The following PLA2G7 variants were observed in gnomAD, a reference collection of about 807,000 sequenced individuals.
PLA2G7 encodes the protein platelet-activating factor acetylhydrolase.
Under a neutral mutation model 49.6 loss-of-function variants are expected in PLA2G7, and 63 were observed. That is an observed-to-expected ratio of 1.27 (90% CI 1.04 to 1.57). The LOEUF is 1.57. PLA2G7 is among the 40% of genes most tolerant of loss of function. The pLI, the probability that PLA2G7 is intolerant of heterozygous loss-of-function variation, is 0.00. For missense variants in PLA2G7, 596 were observed against 521.2 expected (o/e 1.14, Z -1.40); for synonymous variants, 193 against 169.9 (o/e 1.14, Z -1.06).
intron 2 of PLA2G7, among the ~76,000 whole-genome samples, chr6:46,722,237 C>T (rs2150706874): frequency 6.6e-6 from 1 of 152,288 alleles, no homozygotes; most frequent in Admixed American, 6.5e-5. Context: ...TCTGGAACTC[C>T]CTAGCACCTA....
intron 2 of PLA2G7, among the ~76,000 whole-genome samples, chr6:46,719,277 T>G (rs1162646512): frequency 1.3e-5 from 2 of 152,176 alleles, no homozygotes; most frequent in Non-Finnish European, 2.9e-5. Flanking sequence ...AAGAAACCAA[T>G]TTACAGCCTC....
chr6:46,734,461 AG>A (rs1765844948), intron 1 of PLA2G7, among the ~76,000 whole-genome samples: 2 of 127,228 alleles, frequency 1.6e-5, no homozygotes, highest in Admixed American at 1.5e-4. Context: ...AGAGAGAGAG[AG>A]AGAGAGAGAG....
intron 8 of PLA2G7, among the ~76,000 whole-genome samples, chr6:46,709,698 A>G (rs1031515132): frequency 2.0e-5 from 3 of 152,192 alleles, no homozygotes; most frequent in African/African-American, 4.8e-5. Flanking sequence ...CTTCAACATC[A>G]GTTCTGACTT....
chr6:46,704,930 T>C (rs527567491), intron 11 of PLA2G7, among the ~76,000 whole-genome samples: 2 of 152,214 alleles, frequency 1.3e-5, no homozygotes, highest in African/African-American at 4.8e-5. Flanking sequence ...CTAGGCTTCA[T>C]ACAAAGAATA....
intron 9 of PLA2G7, among the ~76,000 whole-genome samples, chr6:46,708,442 T>G (rs1043871267): frequency 1.3e-5 from 2 of 152,158 alleles, no homozygotes; most frequent in African/African-American, 4.8e-5. Context: ...TCAAAATAAA[T>G]TTTAGAATAC....
chr6:46,709,395 T>C lies in PLA2G7; in HGVS notation c.801A>G (p.Ile267Met), dbSNP rs1764936180. 1.2e-6 allele frequency: 2 copies of C among 1,601,426 alleles called. No individual in the cohort carries two copies. The highest frequency in any genetic ancestry group is 1.7e-6 in the Non-Finnish European group (2 of 1,168,880). ...CACCAAAAGAATGTCCAATTACTGCTATTTTTTCCCTATCAATAGAGTCCT... is the reference window on the plus strand; with the variant it reads ...CACCAAAAGAATGTCCAATTACTGCCATTTTTTCCCTATCAATAGAGTCCT... ...QLKDSIDREK[I>M]AVIGHSFGGA... Residue 267 changes from isoleucine to methionine, a missense_variant, in exon 9 of 12, where the codon ATA becomes ATG. Ile to Met is a conservative substitution (Grantham distance 10, BLOSUM62 1). Transcript: ENST00000274793.
intron 1 of PLA2G7, among the ~76,000 whole-genome samples, chr6:46,734,544 C>T (rs1006606596): frequency 6.6e-6 from 1 of 150,696 alleles, no homozygotes. Context: ...AACTCCGGGG[C>T]GGGCGCGGTG....
chr6:46,716,902 A>G (rs148654385), intron 3 of PLA2G7, 73 bp downstream of exon 3: 49 of 1,480,402 alleles, frequency 3.3e-5, no homozygotes, highest in Non-Finnish European at 4.0e-5. Flanking sequence ...GTCACATTTG[A>G]ACACCTTCTA....
At chr6:46,730,008 A>G (rs1765688346) in intron 1 of PLA2G7, among the ~76,000 whole-genome samples, 1 of 152,246 alleles carries the variant, frequency 6.6e-6, no homozygotes, top group Non-Finnish European at 1.5e-5. Flanking sequence ...GTTGCATGAC[A>G]AAAGTATGAC....
chr6:46,704,604 G>A lies in PLA2G7; in HGVS notation c.1282C>T (p.His428Tyr). 1.3e-6 allele frequency: 2 copies of A among 1,591,414 alleles called. No homozygotes were observed. The highest frequency in any genetic ancestry group is 1.7e-6 in the Non-Finnish European group (2 of 1,159,480). ...PGTNINTTNQ[H>Y]IMLQNSSGIE... is the part of the protein sequence containing the mutation. ...CCTGAAGAGTTCTGTAACATGATGT[G>A]TTGATTGGTTGTGTTAATGTTGGTC... The change falls in exon 12 of 12, where the codon CAC becomes TAC. Residue 428 changes from histidine (H) to tyrosine (Y), a missense_variant. Coordinates refer to ENST00000274793, the MANE Select transcript of PLA2G7 (RefSeq NM_005084.4).
At chr6:46,731,250 C>T (rs530631072) in intron 1 of PLA2G7, among the ~76,000 whole-genome samples, 28 of 152,212 alleles carry the variant, frequency 1.8e-4, no homozygotes, top group East Asian at 7.7e-4. Context: ...TAGTGATAAA[C>T]GAGAGAAAAT....
chr6:46,710,396 T>C (rs2150694764), intron 8 of PLA2G7, 149 bp downstream of exon 8: 1 of 667,496 alleles, frequency 1.5e-6, no homozygotes, highest in South Asian at 1.6e-5. Context: ...ACTTTACCTG[T>C]ACTGCTTTGT....
rs536114890 is a variant in PLA2G7 at position 46,722,670 on chromosome 6, A to T, written c.109+113T>A. On this transcript the variant is annotated intron_variant, in intron 2 of 11. Coordinates refer to ENST00000274793, the MANE Select transcript of PLA2G7 (RefSeq NM_005084.4). ...TACTCCAGGAGAATACAGGATCTCC[A>T]TAAGCCTTTAAATAGGACTTGTTTA... 1,505 of 720,170 alleles carry T rather than the reference A, an allele frequency of 2.1e-3. 34 individuals carry two copies. The South Asian group carries it at 0.022, about 10-fold the overall frequency. The allele number at this position is 720,170 out of a possible 1,614,324, so 44.6% of individuals were successfully genotyped here. A position where few individuals can be genotyped will look rare whatever the true frequency, so the allele number is the denominator to read the frequency against.
rs199517554 is a variant in PLA2G7 at position 46,704,646 on chromosome 6, C to T, written c.1240G>A (p.Glu414Lys). The change falls in exon 12 of 12, where the codon GAG (glutamate) becomes AAG (lysine). Residue 414 changes from glutamate to lysine, a missense_variant. Coordinates refer to ENST00000274793, the MANE Select transcript of PLA2G7 (RefSeq NM_005084.4). ...QWDCLIEGDD[E>K]NLIPGTNINT... ...ATGTTGGTCCCTGGAATAAGATTCT[C>T]ATCATCTCCTTCAATCAAGCAGTCC... 1.3e-6 allele frequency: 2 copies of T among 1,578,614 alleles called. No individual in the cohort carries two copies. The highest frequency in any genetic ancestry group is 1.7e-6 in the Non-Finnish European group (2 of 1,147,592).
intron 1 of PLA2G7, among the ~76,000 whole-genome samples, chr6:46,729,977 A>T (rs954171654): frequency 6.6e-6 from 1 of 152,258 alleles, no homozygotes; most frequent in African/African-American, 2.4e-5. Flanking sequence ...ATAGGCCAGG[A>T]AAAATCTAAA....
intron 1 of PLA2G7, among the ~76,000 whole-genome samples, chr6:46,727,355 A>G (rs1765606679): frequency 6.6e-6 from 1 of 152,236 alleles, no homozygotes; most frequent in Admixed American, 6.5e-5. Context: ...TGACAGATAA[A>G]CCATCCAAGT....
At chr6:46,721,317 A>T (rs1765393326) in intron 2 of PLA2G7, among the ~76,000 whole-genome samples, 2 of 151,966 alleles carry the variant, frequency 1.3e-5, no homozygotes. Flanking sequence ...CAAAGTGCTC[A>T]GATTACAGGC....
At chr6:46,734,587 C>T (rs568491078) in intron 1 of PLA2G7, among the ~76,000 whole-genome samples, 3 of 151,726 alleles carry the variant, frequency 2.0e-5, no homozygotes, top group South Asian at 2.1e-4. Context: ...TTTTGGGAGG[C>T]GGAGGCGGGC....
At chr6:46,709,439 T>A in intron 8 of PLA2G7, 21 bp from the exon 9 acceptor site, 1 of 1,290,010 alleles carries the variant, frequency 7.8e-7, no homozygotes, top group South Asian at 1.2e-5. Flanking sequence ...AAGCATGATA[T>A]AAATTTATAG....
Sources: gnomAD v4.1 joint callset for allele counts (sites outside exome capture counted in the v4.1 genomes callset) on GRCh38, gnomAD v4.1.1 for gene constraint, MANE v1.5 for transcripts, NCBI Gene and HGNC (gene_info 2026-07-23, HGNC 2026-07-21) for gene names.